The following GBP7 variants were observed in gnomAD, a reference collection of about 807,000 sequenced individuals.
GBP7 encodes the protein guanylate binding protein 7, also known as guanylate-binding protein 7.
Under a neutral mutation model 61.3 loss-of-function variants are expected in GBP7, and 43 were observed. That is an observed-to-expected ratio of 0.70 (90% confidence interval 0.55 to 0.91). The LOEUF is 0.91. GBP7 is among the 40% of genes least tolerant of loss of function. The probability of loss-of-function intolerance (pLI) is 0.00; values close to 1 mark genes in which losing one functional copy is unlikely to be tolerated. For synonymous variants in GBP7, 267 were observed against 271.0 expected (o/e 0.99, Z 0.14); for missense variants, 717 against 740.5 (o/e 0.97, Z 0.37).
intron 2 of GBP7, among the ~76,000 whole-genome samples, chr1:89,166,736 A>G (rs921158115): frequency 5.3e-5 from 8 of 152,356 alleles, no homozygotes; most frequent in African/African-American, 1.9e-4. Flanking sequence ...GCCAATCCAC[A>G]ACCTTGCAAC....
intron 6 of GBP7, 108 bp from the exon 7 acceptor site, chr1:89,149,680 AAT>A (rs1393947729): frequency 1.1e-6 from 1 of 900,792 alleles, no homozygotes; most frequent in Non-Finnish European, 1.6e-6. Flanking sequence ...ATTTAACATG[AAT>A]TTTCCCTCCT....
At position 89,171,832 on chromosome 1, in the gene GBP7, G is replaced by A. The variant is rs757040132; in HGVS notation, c.104C>T (p.Thr35Ile). 1 of 1,613,896 alleles carries A rather than the reference G, an allele frequency of 6.2e-7. No individual in the cohort carries two copies. Among genetic ancestry groups the A allele is most frequent in the Non-Finnish European group, 8.5e-7 (1 of 1,179,938 alleles). ...AATTGCCACCACTACTACAGGCTGT[G>A]TAATGGCAGACAGGATTTCCAGAGC... is the stretch of plus-strand genomic sequence containing the variant. Reference protein sequence around the residue: ...SEALEILSAITQPVVVVAIVG... With the variant: ...SEALEILSAIIQPVVVVAIVG... Residue 35 changes from threonine to isoleucine, a missense_variant, in exon 2 of 11, where the codon ACA (threonine) becomes ATA (isoleucine). By Grantham distance (89) the Thr-to-Ile change is moderately conservative (BLOSUM62 -1). Around this residue, in one of 3 missense-constraint regions of GBP7, gnomAD observed 387 missense variants for 385.2 expected, o/e 1.00. Transcript: ENST00000294671.
At chr1:89,171,667 C>T (rs1027826999) in intron 2 of GBP7, 79 bp downstream of exon 2, 10 of 1,295,302 alleles carry the variant, frequency 7.7e-6, no homozygotes, top group African/African-American at 1.5e-5. Context: ...CTAACTTTCT[C>T]TCATCCCATC....
At position 89,150,383 on chromosome 1, in the gene GBP7, A is replaced by G; in HGVS notation, c.818T>C (p.Phe273Ser). 6.2e-7 allele frequency: 1 copy of G among 1,613,952 alleles called. No individual in the cohort carries two copies. The highest frequency in any genetic ancestry group is 8.5e-7 in the Non-Finnish European group (1 of 1,179,842). The change falls in exon 6 of 11, where the codon TTC becomes TCC. Residue 273 changes from phenylalanine to serine, a missense_variant. By Grantham distance (155) the Phe-to-Ser change is radical. Coordinates refer to ENST00000294671, the MANE Select transcript of GBP7 (RefSeq NM_207398.3). ...MQSENFCSYI[F>S]THAKTKTLRE... ...CAGGGTCTTGGTCTTTGCATGGGTGAAGATATAAGAACAGAAATTTTCTGA... is the reference window on the plus strand; with the variant it reads ...CAGGGTCTTGGTCTTTGCATGGGTGGAGATATAAGAACAGAAATTTTCTGA...
At chr1:89,156,855 A>G (rs1682325977) in intron 3 of GBP7, among the ~76,000 whole-genome samples, 1 of 152,212 alleles carries the variant, frequency 6.6e-6, no homozygotes, top group Non-Finnish European at 1.5e-5. Flanking sequence ...CATGAAGAGG[A>G]CCTAATAGAC....
Position 89,141,977 on chromosome 1 carries a change from T to A in GBP7, c.1366-329A>T, listed in dbSNP as rs549776889. Among the ~76,000 whole-genome samples the A allele has an allele frequency of 2.8e-4, 42 of 152,332 alleles. No individual in the cohort carries two copies. In the East Asian group the frequency reaches 8.1e-3, roughly 29 times the overall value. On this transcript the variant is annotated intron_variant, in intron 8 of 10. Coordinates refer to ENST00000294671, the MANE Select transcript of GBP7 (RefSeq NM_207398.3). ...TCCATAGTTTGCATTATTTGCTTTC[T>A]TTTTTCTTTTGCCTGAAGGCCTGCC...
At position 89,133,187 on chromosome 1, in the gene GBP7, A is replaced by C. The variant is rs1681717182; in HGVS notation, c.1662+71T>G. 6 of 1,143,814 alleles carry C rather than the reference A, an allele frequency of 5.2e-6. No individual in the cohort carries two copies. The South Asian group carries it at 8.7e-5, about 16-fold the overall frequency. The allele number at this position is 1,143,814 out of a possible 1,614,324, so 70.9% of individuals were successfully genotyped here. ...CTTCTGAAATCTTGACTGAGCTTAA[A>C]ATTTTGGCTCTTCCCTAAATGAGGA... On this transcript the variant is annotated intron_variant, in intron 10 of 10. Transcript: ENST00000294671.
At position 89,132,174 on chromosome 1, in the gene GBP7, T is replaced by C. The variant is rs1681692925; in HGVS notation, c.1892A>G (p.Asn631Ser). Residue 631 changes from asparagine to serine, a missense_variant, in exon 11 of 11, where the codon AAT becomes AGT. Around this residue, in one of 3 missense-constraint regions of GBP7, gnomAD observed 312 missense variants for 310.1 expected, o/e 1.01. Transcript: ENST00000294671. ...TCAGCTTATAATTTTCTTACCAGGA[T>C]TTCTCAGCCTATTACATAATGAGCT... ...ILSSLCNRLR[N>S]PGKKIIS 6.2e-7 allele frequency: 1 copy of C among 1,607,358 alleles called. No homozygotes were observed.
intron 5 of GBP7, 27 bp downstream of exon 5, chr1:89,152,241 T>TC (rs775607341): frequency 6.2e-7 from 1 of 1,603,628 alleles, no homozygotes; most frequent in Admixed American, 1.7e-5. Context: ...TACTGAACCT[T>TC]CTCCCATCTA....
At chr1:89,149,205 G>A in intron 7 of GBP7, 87 bp downstream of exon 7, 1 of 1,132,950 alleles carries the variant, frequency 8.8e-7, no homozygotes, top group African/African-American at 1.6e-5. Flanking sequence ...CTACAAGAAG[G>A]AGATGAACCA....
At chr1:89,157,770 A>G (rs1363656510) in intron 3 of GBP7, among the ~76,000 whole-genome samples, 1 of 152,148 alleles carries the variant, frequency 6.6e-6, no homozygotes, top group African/African-American at 2.4e-5. Flanking sequence ...GCTGAATTCT[A>G]CCAGAGGTAA....
rs567642781 is a variant in GBP7 at position 89,132,063 on chromosome 1, T to C, written c.*86A>G. The C allele has an allele frequency of 1.7e-6, 2 of 1,195,940 alleles. No homozygotes were observed. Among genetic ancestry groups the C allele is most frequent in the African/African-American group, 3.1e-5 (2 of 65,174 alleles). The allele number at this position is 1,195,940 out of a possible 1,614,324, so 74.1% of individuals were successfully genotyped here. ...ATATTCTTTGAAATTTGCTTTTTAA[T>C]TTTAAACTTTTCTTAAATGAAACTG... On this transcript the variant is annotated 3_prime_UTR_variant, in exon 11 of 11. Transcript: ENST00000294671.
chr1:89,146,483 A>G (rs374765394), intron 8 of GBP7, among the ~76,000 whole-genome samples: 32 of 152,218 alleles, frequency 2.1e-4, no homozygotes, highest in African/African-American at 7.5e-4. Context: ...AGGAAAAAAG[A>G]AAAGGCAACA....
In GBP7 at chr1:89,150,364, C is replaced by G; in HGVS notation, c.837G>C (p.Lys279Asn). The change falls in exon 6 of 11, where the codon AAG becomes AAC. Residue 279 changes from lysine to asparagine, a missense_variant. Lys to Asn is a moderately conservative substitution (Grantham distance 94). Around this residue, in one of 3 missense-constraint regions of GBP7, gnomAD observed 387 missense variants for 385.2 expected, o/e 1.00. Transcript: ENST00000294671. ...TGACAAGGATTCCCTCTCTCAGGGT[C>G]TTGGTCTTTGCATGGGTGAAGATAT... is the stretch of plus-strand genomic sequence containing the variant. The part of the protein sequence containing the change: ...CSYIFTHAKT[K>N]TLREGILVTG... 6.2e-7 allele frequency: 1 copy of G among 1,613,952 alleles called. No individual in the cohort carries two copies. The highest frequency in any genetic ancestry group is 8.5e-7 in the Non-Finnish European group (1 of 1,179,852).
At chr1:89,134,825 A>G (rs906910351) in intron 9 of GBP7, among the ~76,000 whole-genome samples, 4 of 152,228 alleles carry the variant, frequency 2.6e-5, no homozygotes, top group African/African-American at 9.6e-5. Flanking sequence ...CTAGCTCCTC[A>G]GCAATAGTTC....
At chr1:89,163,080 C>G (rs1647320888) in intron 3 of GBP7, among the ~76,000 whole-genome samples, 1 of 152,058 alleles carries the variant, frequency 6.6e-6, no homozygotes, top group Admixed American at 6.6e-5. Flanking sequence ...ATTTGCATAT[C>G]TTGATCCATT....
intron 8 of GBP7, among the ~76,000 whole-genome samples, chr1:89,146,117 G>A (rs1682057788): frequency 6.6e-6 from 1 of 152,160 alleles, no homozygotes; most frequent in Non-Finnish European, 1.5e-5. Flanking sequence ...CTAACTGCAT[G>A]GAACAGAATA....
chr1:89,155,402 C>T (rs1408583431), intron 3 of GBP7, among the ~76,000 whole-genome samples: 2 of 152,158 alleles, frequency 1.3e-5, no homozygotes, highest in African/African-American at 4.8e-5. Context: ...TAGTAACAAA[C>T]TTCTCCAAGC....
At chr1:89,147,509 C>T in intron 8 of GBP7, 58 bp downstream of exon 8, 1 of 1,342,276 alleles carries the variant, frequency 7.5e-7, no homozygotes, top group Non-Finnish European at 1.1e-6. Flanking sequence ...TCAGAAGAGG[C>T]AACGAAGACC....
Sources: gnomAD v4.1 joint callset for allele counts (sites outside exome capture counted in the v4.1 genomes callset) on GRCh38, gnomAD v4.1.1 for gene constraint, gnomAD v4.1.1 regional missense constraint, MANE v1.5 for transcripts, NCBI Gene and HGNC (gene_info 2026-07-23, HGNC 2026-07-21) for gene names.